TLE2: variants seen among roughly 807,000 people sequenced by gnomAD.
TLE2 encodes transducin-like enhancer protein 2.
In TLE2, 74 loss-of-function variants were observed where a neutral mutation model predicts 97.2. The ratio of observed to expected loss-of-function variants is 0.76; its 90% CI spans 0.63 to 0.92. The LOEUF (loss-of-function observed/expected upper bound fraction) is 0.92, where lower values mean the gene tolerates loss of function less well. Ranked by LOEUF, TLE2 falls within the 40% of genes least tolerant of loss-of-function variation. TLE2 has a pLI of 0.00. For missense variants in TLE2, 1,038 were observed against 1,008.7 expected (o/e 1.03, Z -0.39); for synonymous variants, 499 against 432.1 (o/e 1.15, Z -1.92).
Position 3,006,676 on chromosome 19 carries a change from A to T in TLE2, c.1251-7T>A. 6.3e-7 allele frequency: 1 copy of T among 1,580,994 alleles called. No individual in the cohort carries two copies. Among genetic ancestry groups the T allele is most frequent in the Non-Finnish European group, 8.6e-7 (1 of 1,160,934 alleles). ...CACGTGGAAGGAGTAGGCCCTGGAGAGAAAGCCGGGGCATGACCCAGCCCT... is the reference window on the plus strand; with the variant it reads ...CACGTGGAAGGAGTAGGCCCTGGAGTGAAAGCCGGGGCATGACCCAGCCCT... On this transcript the variant is annotated splice_polypyrimidine_tract_variant and splice_region_variant and intron_variant, in intron 14 of 19. Coordinates refer to ENST00000262953, the MANE Select transcript of TLE2 (RefSeq NM_003260.5).
chr19:3,019,219 G>T lies in TLE2; in HGVS notation c.550+64C>A. 3.3e-6 allele frequency: 5 copies of T among 1,530,972 alleles called. No homozygotes were observed. The highest frequency in any genetic ancestry group is 4.4e-6 in the Non-Finnish European group (5 of 1,143,956). The allele number at this position is 1,530,972 out of a possible 1,614,324, so 94.8% of individuals were successfully genotyped here. A position where few individuals can be genotyped will look rare whatever the true frequency, so the allele number is the denominator to read the frequency against. On this transcript the variant is annotated intron_variant, in intron 7 of 19. Transcript: ENST00000262953. This position sits in a 1 kb window ranked among gnomAD's most constrained non-coding sequence, Gnocchi z 5.1. ...CCTCACGCTGATGTTTGCTACCCTGGACTGCCAGTCGTCCTCCCCAGCCCC... is the reference window on the plus strand; with the variant it reads ...CCTCACGCTGATGTTTGCTACCCTGTACTGCCAGTCGTCCTCCCCAGCCCC...
At chr19:3,032,118 G>C (rs112292499), upstream of TLE2, among the ~76,000 whole-genome samples, 1 of 151,678 alleles carries the variant, frequency 6.6e-6, no homozygotes. The surrounding 1 kb of genome is among the most constrained non-coding windows in gnomAD (Gnocchi z 4.1). Context: ...ATTATTAGTA[G>C]AGACGGATTC....
intron 1 of TLE2, among the ~76,000 whole-genome samples, chr19:3,038,682 G>A (rs959971702): frequency 6.6e-6 from 1 of 152,188 alleles, no homozygotes; most frequent in Non-Finnish European, 1.5e-5. Context: ...CCAAGATGGA[G>A]GGACTACCTG....
In TLE2 at chr19:3,013,777, G is replaced by C. The variant is rs771187708; in HGVS notation, c.765C>G (p.Cys255Trp). 10 of 1,558,954 alleles carry C rather than the reference G, an allele frequency of 6.4e-6. No homozygotes were observed. Among genetic ancestry groups the C allele is most frequent in the Non-Finnish European group, 8.7e-6 (10 of 1,155,428 alleles). The change falls in exon 11 of 20, where the codon TGC becomes TGG. Residue 255 changes from cysteine (C) to tryptophan (W), a missense_variant. Coordinates refer to ENST00000262953, the MANE Select transcript of TLE2 (RefSeq NM_003260.5). ...SEPPSPATTP[C>W]GKVPICIPAR... The stretch of plus-strand genomic sequence containing the variant: ...CAGGAATGCAGATGGGTACCTTTCC[G>C]CAGGGGGTGGTAGCCGGGCTGGGGG...
chr19:3,018,976 C>T (rs1270132007), intron 7 of TLE2, among the ~76,000 whole-genome samples: 1 of 152,074 alleles, frequency 6.6e-6, no homozygotes, highest in Non-Finnish European at 1.5e-5. Flanking sequence ...GTTGCTTGGG[C>T]TGGCCTCTAA....
At chr19:3,027,999 C>G (rs1441489930) in intron 3 of TLE2, 126 bp from the exon 4 acceptor site, 9 of 970,218 alleles carry the variant, frequency 9.3e-6, no homozygotes, top group Admixed American at 2.2e-5. Context: ...CAGAGCCCCC[C>G]CCAGCTCCAC....
In TLE2 at chr19:3,025,058, C is replaced by T. The variant is rs780015553; in HGVS notation, c.256G>A (p.Gly86Ser). The change falls in exon 5 of 20, where the codon GGT (glycine) becomes AGT (serine). Residue 86 changes from glycine to serine, a missense_variant. Transcript: ENST00000262953. ...AAGGGGATAATCTGAGCGCAGATAC[C>T]GCTCAGACGCTTCACAATCTCCGCC... ...KQAEIVKRLS[G>S]ICAQIIPFLT... 4 of 1,605,028 alleles carry T rather than the reference C, an allele frequency of 2.5e-6. No homozygotes were observed. Among genetic ancestry groups the T allele is most frequent in the African/African-American group, 2.7e-5 (2 of 74,740 alleles).
chr19:3,016,412 A>T (rs1161313914), intron 8 of TLE2, among the ~76,000 whole-genome samples: 1 of 104,848 alleles, frequency 9.5e-6, no homozygotes, highest in Non-Finnish European at 1.9e-5. Flanking sequence ...CGTCTCTACT[A>T]AAAATACAAA....
chr19:3,038,088 C>T (rs8111113), intron 1 of TLE2, among the ~76,000 whole-genome samples: 26,857 of 152,026 alleles, frequency 0.18, 4,252 homozygotes, highest in African/African-American at 0.42. Context: ...CACCACTGCA[C>T]TCCAGCCTGG....
chr19:3,029,551 G>T, upstream of TLE2: 1 of 890,680 alleles, frequency 1.1e-6, no homozygotes, highest in Non-Finnish European at 1.3e-6. Flanking sequence ...GTTACCCACC[G>T]TGGGAGCGGG....
intron 17 of TLE2, among the ~76,000 whole-genome samples, chr19:3,004,009 G>A (rs935457901): frequency 6.6e-6 from 1 of 152,024 alleles, no homozygotes; most frequent in African/African-American, 2.4e-5. Context: ...ACCCGGCCTC[G>A]GTTTGATTTT....
chr19:3,036,545 C>T (rs951329550), intron 1 of TLE2, among the ~76,000 whole-genome samples: 1 of 152,252 alleles, frequency 6.6e-6, no homozygotes, highest in African/African-American at 2.4e-5. Flanking sequence ...CCAGGCCTGT[C>T]CCCTCCCGCT....
At chr19:3,012,907 G>A (rs1002316478) in intron 11 of TLE2, among the ~76,000 whole-genome samples, 1 of 152,132 alleles carries the variant, frequency 6.6e-6, no homozygotes, top group Non-Finnish European at 1.5e-5. Flanking sequence ...GTGGGGTCAG[G>A]GAGGACCCCT....
At chr19:3,016,699 G>T (rs1568241221) in intron 8 of TLE2, among the ~76,000 whole-genome samples, 2 of 152,138 alleles carry the variant, frequency 1.3e-5, no homozygotes, top group Admixed American at 1.3e-4. Flanking sequence ...CTGATGGCTA[G>T]GCGAACGGAA....
chr19:3,037,718 C>T (rs952325167), intron 1 of TLE2, among the ~76,000 whole-genome samples: 2 of 152,146 alleles, frequency 1.3e-5, no homozygotes, highest in African/African-American at 4.8e-5. Context: ...GGAGAAGTCC[C>T]AGAGTGACAA....
chr19:3,037,631 C>A (rs1484684963), intron 1 of TLE2, among the ~76,000 whole-genome samples: 1 of 152,098 alleles, frequency 6.6e-6, no homozygotes, highest in African/African-American at 2.4e-5. Context: ...CCTGGGAGCC[C>A]GTGGTAGGAG....
At chr19:3,044,836 A>G (rs2090130250) in intron 1 of TLE2, among the ~76,000 whole-genome samples, 1 of 152,246 alleles carries the variant, frequency 6.6e-6, no homozygotes, top group African/African-American at 2.4e-5. Context: ...TCTCTTCGCC[A>G]AAGTCATATT....
chr19:3,006,305 G>T, intron 15 of TLE2, 115 bp downstream of exon 15: 1 of 1,454,934 alleles, frequency 6.9e-7, no homozygotes, highest in Non-Finnish European at 9.3e-7. Flanking sequence ...TCACCTATAA[G>T]CCCCGCCCTT....
intron 5 of TLE2, among the ~76,000 whole-genome samples, chr19:3,022,227 A>G (rs901080907): frequency 6.6e-6 from 1 of 151,982 alleles, no homozygotes; most frequent in Non-Finnish European, 1.5e-5. Context: ...TTTTGTAAAA[A>G]AAAATTTTTT....
Sources: allele counts gnomAD v4.1 joint callset (sites outside exome capture counted in the v4.1 genomes callset), GRCh38; gene constraint gnomAD v4.1.1; non-coding constraint Gnocchi (gnomAD v3.1); transcripts MANE v1.5; gene names NCBI Gene and HGNC (gene_info 2026-07-23, HGNC 2026-07-21).